HSD17B12: variants seen among roughly 807,000 people sequenced by gnomAD.
The protein encoded by HSD17B12 is hydroxysteroid 17-beta dehydrogenase 12, also known as very-long-chain 3-oxoacyl-CoA reductase.
Under a neutral mutation model 39.3 loss-of-function variants are expected in HSD17B12, and 32 were observed. The ratio of observed to expected loss-of-function variants is 0.81; its 90% CI spans 0.61 to 1.09. The LOEUF is 1.09. HSD17B12 is among the 50% of genes least tolerant of loss of function. The pLI is 0.00. For synonymous variants in HSD17B12, 150 were observed against 146.7 expected, an observed-to-expected ratio of 1.02 and a Z score of -0.16; for missense variants, 342 against 382.9, an observed-to-expected ratio of 0.89 and a Z score of 0.89.
chr11:43,648,701 AATGT>A, the HSD17B12 span, among the ~76,000 whole-genome samples: 11 of 152,178 alleles, frequency 7.2e-5, no homozygotes, highest in Non-Finnish European at 1.3e-4. Context: ...CTCAGAAATA[AATGT>A]ATGTGTCTGG....
intron 1 of HSD17B12, among the ~76,000 whole-genome samples, chr11:43,688,876 G>A (rs574874236): frequency 6.6e-6 from 1 of 152,314 alleles, no homozygotes; most frequent in East Asian, 1.9e-4. Context: ...AGATGTAAAT[G>A]AGGTTCTAGT....
At chr11:43,799,600 T>G (rs1355108525) in intron 4 of HSD17B12, among the ~76,000 whole-genome samples, 1 of 152,112 alleles carries the variant, frequency 6.6e-6, no homozygotes, top group Non-Finnish European at 1.5e-5. Flanking sequence ...AAACTAAACT[T>G]CCTCATTAAA....
At chr11:43,718,714 TA>T in intron 1 of HSD17B12, 3 of 1,176,824 alleles carry the variant, frequency 2.5e-6, no homozygotes, top group Non-Finnish European at 3.7e-6. Context: ...CTGCCCCTCC[TA>T]AAGCTGAAGC....
chr11:43,627,784 C>T, the HSD17B12 span, among the ~76,000 whole-genome samples: 1 of 151,904 alleles, frequency 6.6e-6, no homozygotes, highest in Non-Finnish European at 1.5e-5. Context: ...CTTTTTGCTA[C>T]TTTTACTGTA....
chr11:43,694,528 A>C (rs1415001428), intron 1 of HSD17B12, among the ~76,000 whole-genome samples: 1 of 151,816 alleles, frequency 6.6e-6, no homozygotes, highest in African/African-American at 2.4e-5. Flanking sequence ...AAAAAGAAAA[A>C]AGAAAAAAAA....
At chr11:43,804,091 C>G (rs1042257694) in intron 4 of HSD17B12, among the ~76,000 whole-genome samples, 2 of 152,142 alleles carry the variant, frequency 1.3e-5, no homozygotes, top group Non-Finnish European at 2.9e-5. Context: ...TCAAATTCTA[C>G]TACTATGACT....
At chr11:43,613,295 G>A in the HSD17B12 span, among the ~76,000 whole-genome samples, 1 of 151,962 alleles carries the variant, frequency 6.6e-6, no homozygotes, top group Non-Finnish European at 1.5e-5. Context: ...GGGAGGCTGA[G>A]GTATGGAAAC....
At chr11:43,574,762 G>GA in the HSD17B12 span, among the ~76,000 whole-genome samples, 2 of 152,106 alleles carry the variant, frequency 1.3e-5, no homozygotes, top group Non-Finnish European at 2.9e-5. Flanking sequence ...ATTTTAAGCA[G>GA]AAAAAAGATA....
intron 1 of HSD17B12, among the ~76,000 whole-genome samples, chr11:43,740,005 G>C (rs1950349852): frequency 6.6e-6 from 1 of 152,152 alleles, no homozygotes; most frequent in Non-Finnish European, 1.5e-5. Flanking sequence ...AGAGGAGTAA[G>C]AACGGGACCA....
the HSD17B12 span, among the ~76,000 whole-genome samples, chr11:43,659,786 G>A: frequency 6.6e-6 from 1 of 152,122 alleles, no homozygotes; most frequent in Non-Finnish European, 1.5e-5. Flanking sequence ...TTAAAAATAT[G>A]AGCAAAACCT....
chr11:43,776,710 G>A (rs1279313918), intron 3 of HSD17B12, among the ~76,000 whole-genome samples: 2 of 152,146 alleles, frequency 1.3e-5, no homozygotes, highest in African/African-American at 4.8e-5. Flanking sequence ...TAATGCCTAG[G>A]TTTTCTTCTA....
intron 1 of HSD17B12, among the ~76,000 whole-genome samples, chr11:43,724,533 A>C (rs1215515484): frequency 6.6e-6 from 1 of 152,176 alleles, no homozygotes; most frequent in Non-Finnish European, 1.5e-5. Flanking sequence ...AAGACTGTGA[A>C]GTCCAAGATC....
At chr11:43,699,886 T>C (rs1369717726) in intron 1 of HSD17B12, among the ~76,000 whole-genome samples, 1 of 152,190 alleles carries the variant, frequency 6.6e-6, no homozygotes, top group Admixed American at 6.5e-5. Context: ...ACATCACTGA[T>C]CATCAGAGAA....
chr11:43,787,591 G>A (rs978677667), intron 3 of HSD17B12, among the ~76,000 whole-genome samples: 9 of 151,862 alleles, frequency 5.9e-5, no homozygotes, highest in African/African-American at 2.2e-4. Context: ...ACAAAAATTA[G>A]CCAGGCATTG....
intron 1 of HSD17B12, among the ~76,000 whole-genome samples, chr11:43,709,267 A>G (rs1457950274): frequency 1.3e-5 from 2 of 152,186 alleles, no homozygotes; most frequent in African/African-American, 4.8e-5. Flanking sequence ...CGGGGATTAC[A>G]GGCGCGCACC....
chr11:43,645,554 A>G, the HSD17B12 span: 4 of 152,358 alleles, frequency 2.6e-5, no homozygotes, highest in East Asian at 5.8e-4. Flanking sequence ...TAAAAATTGT[A>G]TTCCATTTCT....
chr11:43,734,037 C>G, intron 1 of HSD17B12: 1 of 770,642 alleles, frequency 1.3e-6, no homozygotes, highest in Non-Finnish European at 2.3e-6. Flanking sequence ...ACGGCGGATC[C>G]TCTTCCGGCC....
intron 1 of HSD17B12, among the ~76,000 whole-genome samples, chr11:43,711,474 G>GTT (rs199831295): frequency 1.8e-4 from 23 of 129,598 alleles, no homozygotes; most frequent in Admixed American, 2.3e-4. Flanking sequence ...TGGTTGGTTG[G>GTT]TTTTTTTTTT....
At chr11:43,680,682 A>G (rs1018256505), upstream of HSD17B12, 2 of 731,654 alleles carry the variant, frequency 2.7e-6, no homozygotes, top group Non-Finnish European at 2.4e-6. Context: ...CGACACGGAT[A>G]TGGCCCCGCG....
Sources: allele counts gnomAD v4.1 joint callset (sites outside exome capture counted in the v4.1 genomes callset), GRCh38; gene constraint gnomAD v4.1.1; transcripts MANE v1.5; gene names NCBI Gene and HGNC (gene_info 2026-07-23, HGNC 2026-07-21).